Variants in DOCK9 observed in about 807,000 individuals in gnomAD.
DOCK9 encodes dedicator of cytokinesis protein 9.
A neutral mutation model predicts 263.3 loss-of-function variants in DOCK9; 89 were observed. The observed-to-expected ratio is 0.34, with a 90% CI of 0.28 to 0.40. DOCK9 has a LOEUF of 0.40. DOCK9 is among the 10% of genes least tolerant of loss of function. The pLI is 1.00. For synonymous variants in DOCK9, 976 were observed against 973.1 expected, an observed-to-expected ratio of 1.00 and a Z score of -0.06; for missense variants, 2,140 against 2,603.4, an observed-to-expected ratio of 0.82 and a Z score of 3.87.
intron 1 of DOCK9, among the ~76,000 whole-genome samples, chr13:98,968,801 C>T (rs1384438248): frequency 1.3e-5 from 2 of 152,216 alleles, no homozygotes; most frequent in Non-Finnish European, 1.5e-5. Flanking sequence ...AAGCATACCA[C>T]ATCAGAGATA....
intron 15 of DOCK9, among the ~76,000 whole-genome samples, chr13:98,894,586 A>G (rs1275173139): frequency 2.0e-5 from 3 of 152,112 alleles, no homozygotes; most frequent in Non-Finnish European, 4.4e-5. Context: ...TAAGAGTTGC[A>G]TGGTAGTTGA....
intron 48 of DOCK9, among the ~76,000 whole-genome samples, chr13:98,806,044 G>A (rs1202616830): frequency 6.6e-6 from 1 of 152,194 alleles, no homozygotes; most frequent in Non-Finnish European, 1.5e-5. Flanking sequence ...CTTATTGAAT[G>A]ACCTCCAGTC....
chr13:99,015,804 C>T (rs1885316241), intron 1 of DOCK9: 10 of 1,284,986 alleles, frequency 7.8e-6, no homozygotes, highest in Non-Finnish European at 8.8e-6. Flanking sequence ...ATCCAGACTC[C>T]GAGTGTAAAA....
chr13:98,800,500 A>G, intron 49 of DOCK9, 22 bp from the exon 50 acceptor site: 1 of 1,606,804 alleles, frequency 6.2e-7, no homozygotes, highest in Non-Finnish European at 8.5e-7. Context: ...AAGCCCCAGA[A>G]TTACTGCATG....
chr13:98,971,117 A>C (rs2059687709), intron 1 of DOCK9, among the ~76,000 whole-genome samples: 1 of 152,244 alleles, frequency 6.6e-6, no homozygotes, highest in African/African-American at 2.4e-5. Context: ...GAGATTATGT[A>C]CGACAGGCTC....
In DOCK9 at chr13:98,897,021, C is replaced by T. The variant is rs150704188; in HGVS notation, c.1709+467G>A. On this transcript the variant is annotated intron_variant, in intron 15 of 52. Transcript: ENST00000682017. ...CCAGAGGCAGAGTGGAGCAATGCTG[C>T]CACAAGCTAAGCAACAACTGGTGCC... Among the ~76,000 whole-genome samples the T allele has an allele frequency of 3.9e-3, 592 of 152,256 alleles. 3 individuals carry two copies. The highest frequency in any genetic ancestry group is 0.014 in the African/African-American group (566 of 41,552).
intron 38 of DOCK9, among the ~76,000 whole-genome samples, chr13:98,838,273 A>C (rs2093082187): frequency 6.6e-6 from 1 of 152,192 alleles, no homozygotes; most frequent in Non-Finnish European, 1.5e-5. Flanking sequence ...TAGAATGGGG[A>C]TAATACAGTA....
chr13:98,885,422 G>C, intron 20 of DOCK9: 1 of 531,148 alleles, frequency 1.9e-6, no homozygotes, highest in South Asian at 1.8e-5. Context: ...TGGGCAACAT[G>C]GCGAAATCCC....
intron 31 of DOCK9, 78 bp downstream of exon 31, chr13:98,863,292 C>G: frequency 6.5e-7 from 1 of 1,549,240 alleles, no homozygotes; most frequent in Middle Eastern, 1.9e-4. Flanking sequence ...CATGAATTTT[C>G]TAACTGATTA....
At position 98,911,230 on chromosome 13, in the gene DOCK9, C is replaced by T. The variant is rs1215782197; in HGVS notation, c.960+3098G>A. ...TTCCTAAATAAAAGTATTTGTAAAA[C>T]ACCTGAAAGCCAGGGGGAAAGAGTA... On this transcript the variant is annotated intron_variant, in intron 9 of 52. Transcript: ENST00000682017. 4.6e-5 allele frequency among the ~76,000 whole-genome samples: 7 copies of T among 152,274 alleles called. No individual in the cohort carries two copies. The East Asian group carries it at 1.2e-3, about 25-fold the overall frequency.
At chr13:98,900,815 A>G (rs898815316) in intron 13 of DOCK9, among the ~76,000 whole-genome samples, 2 of 152,266 alleles carry the variant, frequency 1.3e-5, no homozygotes, top group East Asian at 1.9e-4. Context: ...CCATTTCTCA[A>G]TGGCCATCGT....
At chr13:98,860,215 G>C in intron 33 of DOCK9, 190 bp downstream of exon 33, 2 of 1,429,226 alleles carry the variant, frequency 1.4e-6, no homozygotes, top group Non-Finnish European at 1.8e-6. Flanking sequence ...ACAGGCATCC[G>C]GGACCTTTAT....
chr13:98,870,173 T>G (rs2094150356), intron 27 of DOCK9, among the ~76,000 whole-genome samples: 1 of 152,242 alleles, frequency 6.6e-6, no homozygotes, highest in Non-Finnish European at 1.5e-5. Flanking sequence ...AGGCATTATA[T>G]TATGCATTAA....
At chr13:99,035,451 G>T (rs776990854) in intron 1 of DOCK9, among the ~76,000 whole-genome samples, 3 of 152,140 alleles carry the variant, frequency 2.0e-5, no homozygotes, top group Non-Finnish European at 2.9e-5. Flanking sequence ...CCAGTTAATG[G>T]GATGGTTAAA....
intron 1 of DOCK9, among the ~76,000 whole-genome samples, chr13:99,079,483 T>C (rs1267476726): frequency 6.6e-6 from 1 of 152,214 alleles, no homozygotes; most frequent in Admixed American, 6.5e-5. Context: ...GTCAAGATAA[T>C]CAATCTTCTC....
At chr13:98,801,200 G>A (rs2090069910) in intron 49 of DOCK9, among the ~76,000 whole-genome samples, 1 of 152,112 alleles carries the variant, frequency 6.6e-6, no homozygotes, top group South Asian at 2.1e-4. Context: ...GACACAGGAG[G>A]CTTGAGCCCA....
At chr13:98,981,967 T>C (rs1208726623), upstream of DOCK9, among the ~76,000 whole-genome samples, 2 of 152,230 alleles carry the variant, frequency 1.3e-5, no homozygotes, top group Non-Finnish European at 2.9e-5. Context: ...AAACCTGCAC[T>C]GAGCTCCTAC....
At chr13:98,949,689 C>T (rs1405846869) in intron 2 of DOCK9, 2 of 237,024 alleles carry the variant, frequency 8.4e-6, no homozygotes, top group Non-Finnish European at 1.7e-5. Flanking sequence ...CACACGCTTC[C>T]ACTACACTGT....
intron 14 of DOCK9, 52 bp downstream of exon 14, chr13:98,898,127 C>T (rs1186480936): frequency 3.9e-6 from 5 of 1,288,158 alleles, no homozygotes; most frequent in Non-Finnish European, 5.5e-6. Flanking sequence ...CCTATTGACC[C>T]ATCCATGCAC....
Sources: gnomAD v4.1 joint callset for allele counts (sites outside exome capture counted in the v4.1 genomes callset) on GRCh38, gnomAD v4.1.1 for gene constraint, MANE v1.5 for transcripts, NCBI Gene and HGNC (gene_info 2026-07-23, HGNC 2026-07-21) for gene names.